PHACTR3: variants seen among roughly 807,000 people sequenced by gnomAD.
The protein encoded by PHACTR3 is protein phosphatase 1, regulatory subunit 123.
PHACTR3 carries 16 observed loss-of-function variants against 66.8 expected under a neutral mutation model. The observed-to-expected ratio is 0.24, with a 90% CI of 0.16 to 0.36. PHACTR3 has a LOEUF of 0.36. PHACTR3 is among the 10% of genes least tolerant of loss of function. PHACTR3 has a pLI of 1.00. For synonymous variants in PHACTR3, 323 were observed against 292.1 expected, an observed-to-expected ratio of 1.11 and a Z score of -1.08; for missense variants, 647 against 719.9, an observed-to-expected ratio of 0.90 and a Z score of 1.16.
Position 59,786,127 on chromosome 20 carries a change from G to A in PHACTR3, c.1174+11637G>A, listed in dbSNP as rs371043942. On this transcript the variant is annotated intron_variant, in intron 7 of 12. Transcript: ENST00000371015. ...CCTCAACTGAGCCCCTCTGTGGCAGGAGGCCTGGGGCTGGGATCCTCCCCT... is the reference window on the plus strand; with the variant it reads ...CCTCAACTGAGCCCCTCTGTGGCAGAAGGCCTGGGGCTGGGATCCTCCCCT... Among the ~76,000 whole-genome samples the A allele has an allele frequency of 7.9e-5, 12 of 152,334 alleles. No homozygotes were observed. In the South Asian group the frequency reaches 2.3e-3, roughly 29 times the overall value.
intron 5 of PHACTR3, among the ~76,000 whole-genome samples, chr20:59,772,328 T>C (rs753103115): frequency 6.6e-6 from 1 of 152,078 alleles, no homozygotes; most frequent in Non-Finnish European, 1.5e-5. Context: ...TACACAAGTG[T>C]TTATTGCCCG....
At chr20:59,708,165 C>CA (rs1186552979) in intron 1 of PHACTR3, among the ~76,000 whole-genome samples, 2 of 152,268 alleles carry the variant, frequency 1.3e-5, no homozygotes, top group East Asian at 3.9e-4. Flanking sequence ...ATGGGAGCAT[C>CA]AGCTCCATCC....
intron 1 of PHACTR3, among the ~76,000 whole-genome samples, chr20:59,737,934 A>G (rs2039012180): frequency 6.6e-6 from 1 of 152,166 alleles, no homozygotes; most frequent in Non-Finnish European, 1.5e-5. Flanking sequence ...CTCTGCTGTG[A>G]GGACCACTGT....
chr20:59,785,787 G>C (rs2040885690), intron 7 of PHACTR3, among the ~76,000 whole-genome samples: 2 of 152,170 alleles, frequency 1.3e-5, no homozygotes, highest in Non-Finnish European at 2.9e-5. Context: ...CTGGCATGTT[G>C]CACCAGCACA....
intron 5 of PHACTR3, among the ~76,000 whole-genome samples, chr20:59,772,570 C>A (rs1455618417): frequency 6.6e-6 from 1 of 152,186 alleles, no homozygotes; most frequent in African/African-American, 2.4e-5. Context: ...ACAGCCCATG[C>A]AAAGACTCAG....
chr20:59,690,498 G>A (rs2037071432), intron 1 of PHACTR3, among the ~76,000 whole-genome samples: 1 of 152,220 alleles, frequency 6.6e-6, no homozygotes, highest in Non-Finnish European at 1.5e-5. Context: ...TATAGCTTTA[G>A]CCTGTGTCCC....
intron 1 of PHACTR3, among the ~76,000 whole-genome samples, chr20:59,629,418 T>A (rs536774179): frequency 6.6e-6 from 1 of 152,364 alleles, no homozygotes; most frequent in East Asian, 1.9e-4. Context: ...TGCCCTAGCA[T>A]GTGCTGCAGA....
At chr20:59,709,380 A>G (rs1046955738) in intron 1 of PHACTR3, among the ~76,000 whole-genome samples, 1 of 152,028 alleles carries the variant, frequency 6.6e-6, no homozygotes, top group African/African-American at 2.4e-5. Context: ...GGGATTTTTA[A>G]CCACAGGTGT....
At chr20:59,785,892 CAACGGCCCT>C (rs369152633) in intron 7 of PHACTR3, among the ~76,000 whole-genome samples, 112,287 of 136,178 alleles carry the variant, frequency 0.82, 46,975 homozygotes, top group Non-Finnish European at 0.94. Flanking sequence ...TTTTGTTTTC[CAACGGCCCT>C]CTGCATCCCC....
At chr20:59,654,116 A>G (rs1320757864) in intron 1 of PHACTR3, among the ~76,000 whole-genome samples, 1 of 152,244 alleles carries the variant, frequency 6.6e-6, no homozygotes, top group Non-Finnish European at 1.5e-5. Flanking sequence ...TGATTGAAAC[A>G]CATCAGAATT....
rs1030754139 is a variant in PHACTR3, at chr20:59,692,866, T to G, written c.119-50241T>G. Among the ~76,000 whole-genome samples, 8 of 152,332 alleles carry G rather than the reference T, an allele frequency of 5.3e-5. No homozygotes were observed. In the South Asian group the frequency reaches 1.7e-3, roughly 32 times the overall value. ...AGGGTGTTAGGATTAAATGAGAAAA[T>G]GTACATAAAACTTTTGGGGCATTGT... On this transcript the variant is annotated intron_variant, in intron 1 of 12. Transcript: ENST00000371015.
At chr20:59,747,491 A>C (rs948445292) in intron 2 of PHACTR3, among the ~76,000 whole-genome samples, 3 of 152,236 alleles carry the variant, frequency 2.0e-5, no homozygotes, top group African/African-American at 7.2e-5. Flanking sequence ...TTATATGTGC[A>C]GGGGCTTTCC....
intron 1 of PHACTR3, among the ~76,000 whole-genome samples, chr20:59,662,533 T>A (rs1189403280): frequency 6.6e-6 from 1 of 152,164 alleles, no homozygotes; most frequent in African/African-American, 2.4e-5. Context: ...ACGTTGCTAA[T>A]GGAGACAGCA....
At chr20:59,636,069 T>C (rs1305912419) in intron 1 of PHACTR3, among the ~76,000 whole-genome samples, 1 of 152,254 alleles carries the variant, frequency 6.6e-6, no homozygotes, top group East Asian at 1.9e-4. Flanking sequence ...CCCATCTTTC[T>C]TCCTTGTGCC....
At chr20:59,642,228 C>T (rs1419337370) in intron 1 of PHACTR3, among the ~76,000 whole-genome samples, 1 of 152,122 alleles carries the variant, frequency 6.6e-6, no homozygotes, top group Admixed American at 6.5e-5. Context: ...TACCCTTCCT[C>T]TAGTTTCCTG....
At chr20:59,821,980 G>GATCGCACCCCTTCCCCAGCA (rs2042043757) in intron 8 of PHACTR3, among the ~76,000 whole-genome samples, 1 of 58,166 alleles carries the variant, frequency 1.7e-5, no homozygotes, top group Non-Finnish European at 3.2e-5. Context: ...TTTCTGCAGC[G>GATCGCACCCCTTCCCCAGCA]ATCCCACCCC....
In PHACTR3 at chr20:59,604,757, A is replaced by G. The variant is rs2033596777; in HGVS notation, c.-258A>G. The G allele has an allele frequency of 1.0e-5, 12 of 1,151,778 alleles. No homozygotes were observed. Among genetic ancestry groups the G allele is most frequent in the Middle Eastern group, 7.1e-4 (2 of 2,812 alleles). The allele number at this position is 1,151,778 out of a possible 1,614,324, so 71.3% of individuals were successfully genotyped here. On this transcript the variant is annotated 5_prime_UTR_variant, in exon 1 of 13. Coordinates refer to ENST00000371015, the MANE Select transcript of PHACTR3 (RefSeq NM_080672.5). ...GACTGAAGAATGGGAATAAACACGA[A>G]TAAATAACAAAGCGAGGCCGCGCAC...
intron 1 of PHACTR3, among the ~76,000 whole-genome samples, chr20:59,670,614 G>GGGC (rs1555810036): frequency 3.1e-5 from 4 of 130,962 alleles, no homozygotes; most frequent in Admixed American, 7.9e-5. Flanking sequence ...GTGGGGGGGG[G>GGGC]GGGCAGGCAC....
rs1261034786 is a variant in PHACTR3 at position 59,736,478 on chromosome 20, C to T, written c.119-6629C>T. 1.3e-5 allele frequency among the ~76,000 whole-genome samples: 2 copies of T among 152,072 alleles called. No homozygotes were observed. The highest frequency in any genetic ancestry group is 3.9e-4 in the East Asian group (2 of 5,184). ...GCCCACAGATGGCATCCCACCCATG[C>T]AGGTGCACACCCACCCACGCCCATG... is the stretch of plus-strand genomic sequence containing the variant. On this transcript the variant is annotated intron_variant, in intron 1 of 12. Transcript: ENST00000371015. The surrounding 1 kb of genome is among the most constrained non-coding windows in gnomAD (Gnocchi z 4.6).
Sources: gnomAD v4.1 joint callset for allele counts (sites outside exome capture counted in the v4.1 genomes callset) on GRCh38, gnomAD v4.1.1 for gene constraint, Gnocchi (gnomAD v3.1) non-coding constraint, MANE v1.5 for transcripts, NCBI Gene and HGNC (gene_info 2026-07-23, HGNC 2026-07-21) for gene names.